CYB5R4: variants seen among roughly 807,000 people sequenced by gnomAD.
CYB5R4 encodes the protein N-terminal cytochrome b5 and cytochrome b5 oxidoreductase domain-containing protein.
A neutral mutation model predicts 70.2 loss-of-function variants in CYB5R4; 55 were observed. The observed-to-expected ratio is 0.78, with a 90% CI of 0.63 to 0.98. The LOEUF is 0.98. CYB5R4 is among the 50% of genes least tolerant of loss of function. The pLI, the probability that CYB5R4 is intolerant of heterozygous loss-of-function variation, is 0.00. For synonymous variants in CYB5R4, 197 were observed against 199.5 expected (o/e 0.99, Z 0.11); for missense variants, 562 against 612.6 (o/e 0.92, Z 0.87).
chr6:83,913,261 G>A (rs573542684), intron 4 of CYB5R4, among the ~76,000 whole-genome samples: 1 of 152,340 alleles, frequency 6.6e-6, no homozygotes, highest in South Asian at 2.1e-4. Flanking sequence ...GTATGTGGCA[G>A]TTGATAAACA....
intron 1 of CYB5R4, among the ~76,000 whole-genome samples, chr6:83,861,194 G>C (rs996543146): frequency 3.9e-5 from 6 of 152,202 alleles, no homozygotes; most frequent in African/African-American, 1.4e-4. Flanking sequence ...AGAAAACTTA[G>C]AAGCAAAGAC....
intron 14 of CYB5R4, among the ~76,000 whole-genome samples, chr6:83,951,459 A>C (rs555150854): frequency 3.3e-4 from 50 of 152,184 alleles, no homozygotes; most frequent in African/African-American, 1.2e-3. Context: ...AACAGGCCTC[A>C]GTGTGGAACG....
chr6:83,911,636 A>G (rs1390125355), intron 4 of CYB5R4, among the ~76,000 whole-genome samples: 2 of 152,204 alleles, frequency 1.3e-5, no homozygotes, highest in Non-Finnish European at 1.5e-5. Flanking sequence ...AAACTTAGCT[A>G]AAATACTACT....
At chr6:83,924,119 G>A (rs1396304457) in intron 9 of CYB5R4, among the ~76,000 whole-genome samples, 2 of 145,622 alleles carry the variant, frequency 1.4e-5, no homozygotes, top group Admixed American at 1.4e-4. Context: ...GGGGGCATTC[G>A]ATGCTAATTT....
intron 11 of CYB5R4, 49 bp downstream of exon 11, chr6:83,934,784 TTCAAAATCAGTACTATTC>T (rs1443101339): frequency 2.0e-6 from 3 of 1,514,692 alleles, no homozygotes; most frequent in Non-Finnish European, 2.7e-6. Flanking sequence ...TTATAAGCAG[TTCAAAATCAGTACTATTC>T]TCTCTAGAAA....
At chr6:83,913,244 C>G (rs1010180841) in intron 4 of CYB5R4, among the ~76,000 whole-genome samples, 2 of 152,126 alleles carry the variant, frequency 1.3e-5, no homozygotes, top group Non-Finnish European at 2.9e-5. Context: ...CTGTAATGGC[C>G]AGATTTGTAT....
At chr6:83,898,468 A>T (rs1025231321) in intron 3 of CYB5R4, among the ~76,000 whole-genome samples, 1 of 152,154 alleles carries the variant, frequency 6.6e-6, no homozygotes, top group African/African-American at 2.4e-5. Context: ...GTTCCATGTG[A>T]ACTTTAAAGT....
At chr6:83,944,215 C>T (rs190372063) in intron 14 of CYB5R4, among the ~76,000 whole-genome samples, 6,387 of 152,208 alleles carry the variant, frequency 0.042, 454 homozygotes, top group African/African-American at 0.15. Context: ...AAGGGAAGCC[C>T]ATCAGACTAA....
At chr6:83,902,486 T>G (rs1319011282) in intron 3 of CYB5R4, among the ~76,000 whole-genome samples, 3 of 152,204 alleles carry the variant, frequency 2.0e-5, no homozygotes, top group Non-Finnish European at 4.4e-5. Context: ...TTGCTCAGGA[T>G]TGCTTTGGCT....
rs2099473979 is a variant in CYB5R4 at position 83,965,901 on chromosome 6, T to G, written c.*6023T>G. ...ATCAGGGGGTTCCGCTTTTGCATCT[T>G]ACTCATTTCTCTTGCTGCCACCCTG... On this transcript the variant is annotated 3_prime_UTR_variant, in exon 16 of 16. Transcript: ENST00000369681. 1 of 152,396 alleles carries G rather than the reference T, an allele frequency of 6.6e-6. No individual in the cohort carries two copies. Among genetic ancestry groups the G allele is most frequent in the South Asian group, 2.1e-4 (1 of 4,834 alleles). The allele number at this position is 152,396 out of a possible 1,614,324, so 9.4% of individuals were successfully genotyped here. A position where few individuals can be genotyped will look rare whatever the true frequency, so the allele number is the denominator to read the frequency against.
intron 4 of CYB5R4, chr6:83,910,277 G>A: frequency 1.4e-6 from 1 of 713,612 alleles, no homozygotes; most frequent in Non-Finnish European, 2.3e-6. Flanking sequence ...TTCCTCATTG[G>A]TAAAATGGAG....
chr6:83,871,961 T>C (rs911339750), intron 2 of CYB5R4, among the ~76,000 whole-genome samples: 9 of 152,204 alleles, frequency 5.9e-5, no homozygotes, highest in African/African-American at 1.7e-4. Flanking sequence ...TCTCTGTTGC[T>C]TCTTTTCTGT....
At chr6:83,897,137 A>G (rs540141355) in intron 3 of CYB5R4, among the ~76,000 whole-genome samples, 3 of 148,182 alleles carry the variant, frequency 2.0e-5, no homozygotes, top group African/African-American at 7.6e-5. Flanking sequence ...TTCAATTCCC[A>G]CCTATGAGTG....
At chr6:83,952,490 G>A (rs1377354678) in intron 14 of CYB5R4, among the ~76,000 whole-genome samples, 1 of 152,152 alleles carries the variant, frequency 6.6e-6, no homozygotes, top group African/African-American at 2.4e-5. Flanking sequence ...ATTTCTTGGA[G>A]CGGGAAAATA....
At chr6:83,870,735 T>G (rs1263232127) in intron 2 of CYB5R4, among the ~76,000 whole-genome samples, 1 of 152,124 alleles carries the variant, frequency 6.6e-6, no homozygotes, top group East Asian at 1.9e-4. Flanking sequence ...TTCCATTTTC[T>G]TGTTTAGGTT....
intron 2 of CYB5R4, among the ~76,000 whole-genome samples, chr6:83,869,621 G>A (rs1023141151): frequency 1.3e-5 from 2 of 152,144 alleles, no homozygotes; most frequent in Non-Finnish European, 2.9e-5. Flanking sequence ...CTGAGGTCAC[G>A]AGTTCGAGAA....
At chr6:83,944,687 A>G (rs1216453139) in intron 14 of CYB5R4, among the ~76,000 whole-genome samples, 1 of 152,064 alleles carries the variant, frequency 6.6e-6, no homozygotes, top group Non-Finnish European at 1.5e-5. Context: ...TGTTCAGGAG[A>G]CCCATCTCAT....
At chr6:83,930,858 G>T (rs1257867761) in intron 10 of CYB5R4, among the ~76,000 whole-genome samples, 1 of 151,002 alleles carries the variant, frequency 6.6e-6, no homozygotes, top group Non-Finnish European at 1.5e-5. Flanking sequence ...GGAGATATCT[G>T]TCATGAAGAT....
chr6:83,895,604 C>T (rs767088151), intron 3 of CYB5R4, among the ~76,000 whole-genome samples: 4 of 152,088 alleles, frequency 2.6e-5, no homozygotes, highest in Non-Finnish European at 4.4e-5. Context: ...AGAAGAATTT[C>T]CAATAAAGTC....
Sources: allele counts gnomAD v4.1 joint callset (sites outside exome capture counted in the v4.1 genomes callset), GRCh38; gene constraint gnomAD v4.1.1; transcripts MANE v1.5; gene names NCBI Gene and HGNC (gene_info 2026-07-23, HGNC 2026-07-21).